AAK1: variants seen among roughly 807,000 people sequenced by gnomAD.
AAK1 encodes AP2-associated protein kinase 1.
Under a neutral mutation model 116.0 loss-of-function variants are expected in AAK1, and 37 were observed. The ratio of observed to expected loss-of-function variants is 0.32; its 90% CI spans 0.25 to 0.42. AAK1 has a LOEUF of 0.42. AAK1 is among the 10% of genes least tolerant of loss of function. The pLI is 1.00. For missense variants in AAK1, 919 were observed against 1,170.6 expected (o/e 0.79, Z 3.14); for synonymous variants, 458 against 439.9 (o/e 1.04, Z -0.51).
intron 3 of AAK1, among the ~76,000 whole-genome samples, chr2:69,549,430 G>A (rs976376481): frequency 6.6e-6 from 1 of 152,134 alleles, no homozygotes; most frequent in Non-Finnish European, 1.5e-5. Flanking sequence ...TTTAGACTGA[G>A]TGTTCTTTTC....
intron 17 of AAK1, among the ~76,000 whole-genome samples, chr2:69,483,575 CT>C (rs1675177336): frequency 6.6e-6 from 1 of 152,052 alleles, no homozygotes; most frequent in Non-Finnish European, 1.5e-5. Context: ...CCTTCTCGGG[CT>C]TAGTTTTGAA....
Position 69,466,165 on chromosome 2 carries a change from C to T in AAK1, c.*9704G>A. The T allele has an allele frequency of 7.8e-7, 1 of 1,290,128 alleles. No homozygotes were observed. Among genetic ancestry groups the T allele is most frequent in the African/African-American group, 1.5e-5 (1 of 65,950 alleles). 79.9% of individuals were successfully genotyped at this position (1,290,128 alleles called of 1,614,324 possible). On this transcript the variant is annotated 3_prime_UTR_variant, in exon 22 of 22. Coordinates refer to ENST00000409085, the MANE Select transcript of AAK1 (RefSeq NM_014911.5). ...CCATCAGTGGCTGGCTGTGTGAAGG[C>T]TTGAAACTGGTTCTTTCTTCCACCT...
At position 69,466,300 on chromosome 2, in the gene AAK1, T is replaced by A; in HGVS notation, c.*9569A>T. On this transcript the variant is annotated 3_prime_UTR_variant, in exon 22 of 22. Coordinates refer to ENST00000409085, the MANE Select transcript of AAK1 (RefSeq NM_014911.5). The stretch of plus-strand genomic sequence containing the variant: ...CTCTCATCTTCTTCTTCAGACTCCA[T>A]AAGGAGAGGCCGAGACCCACTGCAG... The A allele has an allele frequency of 7.8e-7, 1 of 1,289,728 alleles. No individual in the cohort carries two copies. The highest frequency in any genetic ancestry group is 1.0e-6 in the Non-Finnish European group (1 of 988,844). The allele number at this position is 1,289,728 out of a possible 1,614,324, so 79.9% of individuals were successfully genotyped here. A position where few individuals can be genotyped will look rare whatever the true frequency, so the allele number is the denominator to read the frequency against.
At chr2:69,549,166 C>T (rs945006737) in intron 3 of AAK1, among the ~76,000 whole-genome samples, 2 of 152,170 alleles carry the variant, frequency 1.3e-5, no homozygotes, top group African/African-American at 2.4e-5. Flanking sequence ...GTCAGGAGTT[C>T]GAGACCAGCC....
At chr2:69,526,455 A>G (rs1670028399) in intron 9 of AAK1, among the ~76,000 whole-genome samples, 1 of 152,174 alleles carries the variant, frequency 6.6e-6, no homozygotes, top group South Asian at 2.1e-4. Context: ...AAAATAAATC[A>G]CAATATGACA....
Position 69,473,977 on chromosome 2 carries a change from T to C in AAK1, c.*1892A>G, listed in dbSNP as rs191007088. The C allele has an allele frequency of 2.5e-4, 243 of 985,830 alleles. 1 individual carries two copies. The African/African-American group carries it at 4.1e-3, about 17-fold the overall frequency. The allele number at this position is 985,830 out of a possible 1,614,324, so 61.1% of individuals were successfully genotyped here. A position where few individuals can be genotyped will look rare whatever the true frequency, so the allele number is the denominator to read the frequency against. ...CCTCGGCAGGAAGCTTGTGCCTCTC[T>C]CAGTTTTGGAAATGGTCTGTTATTC... On this transcript the variant is annotated 3_prime_UTR_variant, in exon 22 of 22. Coordinates refer to ENST00000409085, the MANE Select transcript of AAK1 (RefSeq NM_014911.5).
intron 2 of AAK1, among the ~76,000 whole-genome samples, chr2:69,611,261 C>T (rs377269354): frequency 4.6e-5 from 7 of 152,316 alleles, no homozygotes; most frequent in East Asian, 3.9e-4. Context: ...AGAGTCTTCT[C>T]GCTCTCTCTC....
At chr2:69,594,543 G>A (rs1339864453) in intron 2 of AAK1, among the ~76,000 whole-genome samples, 1 of 152,162 alleles carries the variant, frequency 6.6e-6, no homozygotes, top group East Asian at 1.9e-4. Flanking sequence ...ATGTTTTCAT[G>A]GTTACTACTG....
intron 9 of AAK1, among the ~76,000 whole-genome samples, chr2:69,526,946 C>T (rs1160532870): frequency 2.6e-5 from 4 of 152,198 alleles, no homozygotes; most frequent in Non-Finnish European, 4.4e-5. Context: ...AGTTGACAGA[C>T]ATGAAGTTGG....
chr2:69,488,437 A>G (rs1691495065), intron 17 of AAK1, among the ~76,000 whole-genome samples: 1 of 152,188 alleles, frequency 6.6e-6, no homozygotes, highest in Non-Finnish European at 1.5e-5. Flanking sequence ...AATCCCAAAA[A>G]GTAAAGAGTA....
At chr2:69,589,641 G>A (rs574874485) in intron 2 of AAK1, among the ~76,000 whole-genome samples, 6 of 151,052 alleles carry the variant, frequency 4.0e-5, no homozygotes, top group Non-Finnish European at 7.4e-5. Flanking sequence ...CCCGGGAGGC[G>A]GAGGTTGCAG....
Position 69,475,219 on chromosome 2 carries a change from G to A in AAK1, c.*650C>T, listed in dbSNP as rs1023983276. 1.4e-5 allele frequency: 14 copies of A among 985,726 alleles called. No individual in the cohort carries two copies. Among genetic ancestry groups the A allele is most frequent in the Non-Finnish European group, 1.7e-5 (14 of 829,970 alleles). The allele number at this position is 985,726 out of a possible 1,614,324, so 61.1% of individuals were successfully genotyped here. ...GACGAATGCTGGGCAGGTTGCATGG[G>A]GTGTAAAATCCCTTGGCTAAGTCTA... On this transcript the variant is annotated 3_prime_UTR_variant, in exon 22 of 22. Coordinates refer to ENST00000409085, the MANE Select transcript of AAK1 (RefSeq NM_014911.5).
intron 2 of AAK1, among the ~76,000 whole-genome samples, chr2:69,570,401 G>A (rs888011452): frequency 2.0e-5 from 3 of 151,942 alleles, no homozygotes; most frequent in Admixed American, 1.3e-4. Flanking sequence ...CATGTGGCCT[G>A]AAGCTCTATT....
intron 10 of AAK1, 82 bp downstream of exon 10, chr2:69,524,951 A>AT: frequency 7.4e-7 from 1 of 1,351,254 alleles, no homozygotes; most frequent in South Asian, 1.2e-5. Context: ...GACAGCATAC[A>AT]TAAGAATCAA....
chr2:69,626,076 T>C (rs10204073), intron 2 of AAK1, among the ~76,000 whole-genome samples: 20,046 of 152,068 alleles, frequency 0.13, 3,071 homozygotes, highest in African/African-American at 0.36. Context: ...TGTCCAAGGT[T>C]ATCTCTGTTA....
At chr2:69,485,735 CT>C (rs34190579) in intron 17 of AAK1, among the ~76,000 whole-genome samples, 90,702 of 151,114 alleles carry the variant, frequency 0.6, 27,966 homozygotes, top group East Asian at 0.79. Flanking sequence ...TTTCGGCTCA[CT>C]TGCAACCTCC....
chr2:69,628,878 C>T (rs1484835619), intron 2 of AAK1, among the ~76,000 whole-genome samples: 1 of 152,184 alleles, frequency 6.6e-6, no homozygotes, highest in East Asian at 1.9e-4. Flanking sequence ...TTCACTCCTC[C>T]TCTCTGAAAC....
At position 69,471,497 on chromosome 2, in the gene AAK1, T is replaced by C. The variant is rs1674680678; in HGVS notation, c.*4372A>G. On this transcript the variant is annotated 3_prime_UTR_variant, in exon 22 of 22. Transcript: ENST00000409085. ...AGTATCTGGAGTGTTTCAGGAAAGC[T>C]TCCATTCTAAATATTCATGTGATAG... is the stretch of plus-strand genomic sequence containing the variant. 3 of 985,448 alleles carry C rather than the reference T, an allele frequency of 3.0e-6. No homozygotes were observed. Among genetic ancestry groups the C allele is most frequent in the Non-Finnish European group, 3.6e-6 (3 of 829,934 alleles). 61.0% of individuals were successfully genotyped at this position (985,448 alleles called of 1,614,324 possible).
intron 2 of AAK1, among the ~76,000 whole-genome samples, chr2:69,616,926 C>T (rs935797767): frequency 1.3e-5 from 2 of 152,164 alleles, no homozygotes; most frequent in African/African-American, 2.4e-5. Flanking sequence ...CCCCAAGCCA[C>T]CCACGAGGGA....
Sources: gnomAD v4.1 joint callset for allele counts (sites outside exome capture counted in the v4.1 genomes callset) on GRCh38, gnomAD v4.1.1 for gene constraint, MANE v1.5 for transcripts, NCBI Gene and HGNC (gene_info 2026-07-23, HGNC 2026-07-21) for gene names.